The following SLC10A7 variants were observed in gnomAD, a reference collection of about 807,000 sequenced individuals.
SLC10A7 encodes the protein solute carrier family 10 member 7.
Under a neutral mutation model 43.2 loss-of-function variants are expected in SLC10A7, and 29 were observed. The ratio of observed to expected loss-of-function variants is 0.67; its 90% confidence interval spans 0.50 to 0.92. The LOEUF (loss-of-function observed/expected upper bound fraction) is 0.92. SLC10A7 is among the 40% of genes least tolerant of loss of function. The pLI is 0.00. For missense variants in SLC10A7, 295 were observed against 403.2 expected, an observed-to-expected ratio of 0.73 and a Z score of 2.30; for synonymous variants, 152 against 144.8, an observed-to-expected ratio of 1.05 and a Z score of -0.35.
At chr4:146,373,241 G>C (rs142441743) in intron 5 of SLC10A7, among the ~76,000 whole-genome samples, 2 of 152,242 alleles carry the variant, frequency 1.3e-5, no homozygotes, top group East Asian at 3.9e-4. Context: ...GAGAGGCTGA[G>C]GTGAGAGGGT....
intron 7 of SLC10A7, among the ~76,000 whole-genome samples, chr4:146,294,764 T>G (rs1364549421): frequency 1.3e-5 from 2 of 152,188 alleles, no homozygotes; most frequent in African/African-American, 2.4e-5. Flanking sequence ...GTCCTAACTC[T>G]CCTACAAAAG....
intron 7 of SLC10A7, among the ~76,000 whole-genome samples, chr4:146,300,802 A>T (rs748896316): frequency 6.6e-6 from 1 of 152,088 alleles, no homozygotes; most frequent in Non-Finnish European, 1.5e-5. Context: ...TATGTTTTTC[A>T]GGTGATGACT....
intron 5 of SLC10A7, among the ~76,000 whole-genome samples, chr4:146,386,746 G>A (rs375064754): frequency 4.6e-5 from 7 of 152,070 alleles, no homozygotes; most frequent in South Asian, 2.1e-4. Flanking sequence ...CCCATAAAAC[G>A]TACTCTTCTA....
intron 5 of SLC10A7, among the ~76,000 whole-genome samples, chr4:146,379,745 C>A (rs528046414): frequency 1.4e-4 from 21 of 152,228 alleles, no homozygotes; most frequent in Middle Eastern, 3.4e-3. Context: ...CAAAGAACAT[C>A]GCATTAAGTA....
chr4:146,451,419 C>A (rs2149913164), intron 4 of SLC10A7, among the ~76,000 whole-genome samples: 1 of 151,928 alleles, frequency 6.6e-6, no homozygotes, highest in South Asian at 2.1e-4. Context: ...GACAAGGACA[C>A]AACACAAAAA....
chr4:146,298,111 A>G lies in SLC10A7; in HGVS notation c.556-4016T>C, dbSNP rs149082725. 4.8e-3 allele frequency among the ~76,000 whole-genome samples: 732 copies of G among 152,286 alleles called. 2 individuals are homozygous for G. Among genetic ancestry groups the G allele is most frequent in the African/African-American group, 0.016 (678 of 41,570 alleles). Reference sequence around the variant, plus strand: ...CACCTAACTTTGAGTCCTGGCCCCAATCCTTACTTTGTGATGTTGGGCAAA... The same window carrying G: ...CACCTAACTTTGAGTCCTGGCCCCAGTCCTTACTTTGTGATGTTGGGCAAA... On this transcript the variant is annotated intron_variant, in intron 7 of 11. Coordinates refer to ENST00000335472, the MANE Select transcript of SLC10A7 (RefSeq NM_001029998.6).
At chr4:146,332,747 C>A (rs889334113) in intron 5 of SLC10A7, among the ~76,000 whole-genome samples, 1 of 152,152 alleles carries the variant, frequency 6.6e-6, no homozygotes. Flanking sequence ...GAATAATACA[C>A]CATGCTTGTC....
intron 7 of SLC10A7, among the ~76,000 whole-genome samples, chr4:146,294,519 C>T (rs1371046336): frequency 1.3e-5 from 2 of 152,118 alleles, no homozygotes; most frequent in Non-Finnish European, 2.9e-5. Flanking sequence ...TCAAGAATTT[C>T]AAGACAGTAG....
intron 4 of SLC10A7, among the ~76,000 whole-genome samples, chr4:146,462,883 T>C (rs1732667928): frequency 6.6e-6 from 1 of 152,208 alleles, no homozygotes; most frequent in African/African-American, 2.4e-5. Context: ...CCTGTGAAGA[T>C]ACTCTCAGAA....
chr4:146,311,509 C>T (rs990338192), intron 6 of SLC10A7, among the ~76,000 whole-genome samples: 15 of 152,246 alleles, frequency 9.9e-5, no homozygotes, highest in African/African-American at 3.6e-4. Flanking sequence ...TGTGTCTCTT[C>T]CCAGCTATTA....
At chr4:146,378,844 C>G (rs1343219978) in intron 5 of SLC10A7, among the ~76,000 whole-genome samples, 1 of 152,196 alleles carries the variant, frequency 6.6e-6, no homozygotes, top group Non-Finnish European at 1.5e-5. Context: ...TAGCCCCATC[C>G]TTGGCAACTC....
chr4:146,419,864 T>C (rs983028508), intron 5 of SLC10A7, among the ~76,000 whole-genome samples: 4 of 151,966 alleles, frequency 2.6e-5, no homozygotes, highest in Non-Finnish European at 4.4e-5. Flanking sequence ...AAAGCTACCA[T>C]CCATTTCGTT....
chr4:146,398,057 C>T (rs548785032), intron 5 of SLC10A7, among the ~76,000 whole-genome samples: 1 of 152,290 alleles, frequency 6.6e-6, no homozygotes, highest in East Asian at 1.9e-4. Flanking sequence ...GAATTTTCTG[C>T]AACATCATGT....
intron 5 of SLC10A7, among the ~76,000 whole-genome samples, chr4:146,366,007 A>G (rs943207659): frequency 6.6e-5 from 10 of 152,176 alleles, no homozygotes; most frequent in Non-Finnish European, 1.3e-4. Context: ...CATGTGAGAG[A>G]TCTAGGTTGT....
At chr4:146,419,291 A>C (rs1038685939) in intron 5 of SLC10A7, among the ~76,000 whole-genome samples, 1 of 152,132 alleles carries the variant, frequency 6.6e-6, no homozygotes, top group Admixed American at 6.5e-5. Context: ...AGATCCTGCA[A>C]CTATCTAGAG....
chr4:146,520,516 C>A (rs1010065573), intron 1 of SLC10A7, among the ~76,000 whole-genome samples: 13 of 152,152 alleles, frequency 8.5e-5, no homozygotes, highest in Non-Finnish European at 1.6e-4. Context: ...TAAAATGTTC[C>A]CGGAAGCTAC....
chr4:146,285,143 T>C (rs977766776), intron 9 of SLC10A7, among the ~76,000 whole-genome samples: 6 of 152,110 alleles, frequency 3.9e-5, no homozygotes, highest in African/African-American at 1.4e-4. Context: ...GCAGGGACAC[T>C]GGCTTATGAT....
chr4:146,318,549 C>T (rs1028567598), intron 6 of SLC10A7, among the ~76,000 whole-genome samples: 1 of 152,018 alleles, frequency 6.6e-6, no homozygotes, highest in Non-Finnish European at 1.5e-5. Context: ...GCACTTGATC[C>T]TCTGATATCT....
At chr4:146,351,301 A>G (rs1735080890) in intron 5 of SLC10A7, among the ~76,000 whole-genome samples, 1 of 150,982 alleles carries the variant, frequency 6.6e-6, no homozygotes, top group Non-Finnish European at 1.5e-5. Context: ...GATGAAATGA[A>G]TGAAATGAAG....
Sources: allele counts gnomAD v4.1 joint callset (sites outside exome capture counted in the v4.1 genomes callset), GRCh38; gene constraint gnomAD v4.1.1; transcripts MANE v1.5; gene names NCBI Gene and HGNC (gene_info 2026-07-23, HGNC 2026-07-21).